The following HMGCLL1 variants were observed in gnomAD, a reference collection of about 807,000 sequenced individuals.
HMGCLL1 encodes 3-hydroxy-3-methylglutaryl-CoA lyase like 1, also known as 3-hydroxymethyl-3-methylglutaryl-CoA lyase, cytoplasmic.
HMGCLL1 carries 36 observed loss-of-function variants against 39.1 expected under a neutral mutation model. The ratio of observed to expected loss-of-function variants is 0.92; its 90% CI spans 0.71 to 1.22. HMGCLL1 has a LOEUF of 1.22. Ranked by LOEUF, HMGCLL1 falls within the 50% of genes most tolerant of loss-of-function variation. HMGCLL1 has a pLI of 0.00. For synonymous variants in HMGCLL1, 149 were observed against 144.0 expected (o/e 1.03, Z -0.25); for missense variants, 451 against 416.5 (o/e 1.08, Z -0.72).
chr6:55,638,032 T>C, the HMGCLL1 span, among the ~76,000 whole-genome samples: 4 of 152,086 alleles, frequency 2.6e-5, no homozygotes, highest in Non-Finnish European at 4.4e-5. Context: ...TAGAATTTGA[T>C]GCTATAATAA....
At chr6:55,588,754 A>G in the HMGCLL1 span, among the ~76,000 whole-genome samples, 1 of 152,196 alleles carries the variant, frequency 6.6e-6, no homozygotes. Context: ...GATACAAACT[A>G]CCATCAGAGA....
intron 1 of HMGCLL1, among the ~76,000 whole-genome samples, chr6:55,550,354 C>T (rs1447442693): frequency 1.3e-5 from 2 of 151,862 alleles, no homozygotes; most frequent in African/African-American, 2.4e-5. Flanking sequence ...TCAGCTACAG[C>T]GCCACTTTAT....
the HMGCLL1 span, among the ~76,000 whole-genome samples, chr6:55,626,711 G>C: frequency 5.3e-5 from 8 of 151,978 alleles, no homozygotes; most frequent in Non-Finnish European, 1.5e-5. Context: ...CCAGAGACAG[G>C]AACATTGCCA....
chr6:55,496,134 A>T (rs1766563948), intron 6 of HMGCLL1, among the ~76,000 whole-genome samples: 2 of 152,116 alleles, frequency 1.3e-5, no homozygotes, highest in Admixed American at 6.5e-5. Flanking sequence ...GTGATTTTTT[A>T]AAAAATAACT....
At chr6:55,581,927 G>A (rs145955994), upstream of HMGCLL1, among the ~76,000 whole-genome samples, 2 of 152,156 alleles carry the variant, frequency 1.3e-5, no homozygotes, top group Non-Finnish European at 2.9e-5. Context: ...ATGTACAAAA[G>A]CATTCAATTC....
intron 7 of HMGCLL1, among the ~76,000 whole-genome samples, chr6:55,446,480 T>G (rs1289153610): frequency 6.6e-6 from 1 of 151,848 alleles, no homozygotes; most frequent in African/African-American, 2.4e-5. Context: ...TCCGTCTACT[T>G]GAGCTCTCTG....
chr6:55,639,912 C>G, the HMGCLL1 span, among the ~76,000 whole-genome samples: 19 of 151,802 alleles, frequency 1.3e-4, no homozygotes, highest in Non-Finnish European at 2.5e-4. Flanking sequence ...AACCCCCTCT[C>G]TACTAGAAAA....
chr6:55,624,079 C>T, the HMGCLL1 span, among the ~76,000 whole-genome samples: 16 of 152,134 alleles, frequency 1.1e-4, no homozygotes, highest in Non-Finnish European at 2.1e-4. Context: ...TGATCATTTC[C>T]TTTTCCCCAG....
the HMGCLL1 span, among the ~76,000 whole-genome samples, chr6:55,640,000 C>T: frequency 1.6e-4 from 25 of 152,074 alleles, no homozygotes; most frequent in Non-Finnish European, 2.4e-4. Context: ...ATAGCTTGAA[C>T]TCGGGAGGCG....
chr6:55,659,183 C>T, the HMGCLL1 span, among the ~76,000 whole-genome samples: 92 of 151,910 alleles, frequency 6.1e-4, no homozygotes, highest in Admixed American at 1.4e-3. Context: ...CCTAGGTTTC[C>T]AGCTTATGCA....
At chr6:55,625,978 G>A in the HMGCLL1 span, among the ~76,000 whole-genome samples, 7 of 152,228 alleles carry the variant, frequency 4.6e-5, no homozygotes, top group South Asian at 2.1e-4. Flanking sequence ...GAACAAAGTC[G>A]TCATGGTGCA....
chr6:55,602,374 A>T, the HMGCLL1 span, among the ~76,000 whole-genome samples: 4 of 151,986 alleles, frequency 2.6e-5, no homozygotes, highest in African/African-American at 9.7e-5. Context: ...CTAAAATTAC[A>T]TTTTCCTTTA....
At chr6:55,453,313 G>T (rs1445573597) in intron 7 of HMGCLL1, among the ~76,000 whole-genome samples, 1 of 152,140 alleles carries the variant, frequency 6.6e-6, no homozygotes, top group Non-Finnish European at 1.5e-5. Context: ...CCAGCAGCTG[G>T]GACTACAGGC....
At chr6:55,478,110 G>C (rs1229306735) in intron 7 of HMGCLL1, among the ~76,000 whole-genome samples, 1 of 147,580 alleles carries the variant, frequency 6.8e-6, no homozygotes, top group Middle Eastern at 3.3e-3. Flanking sequence ...ATTTTTCATA[G>C]TTTATATAAT....
At chr6:55,627,388 G>A in the HMGCLL1 span, among the ~76,000 whole-genome samples, 12 of 152,028 alleles carry the variant, frequency 7.9e-5, no homozygotes, top group African/African-American at 1.7e-4. Context: ...CTGGTTGTAC[G>A]GAGGATAGTT....
the HMGCLL1 span, among the ~76,000 whole-genome samples, chr6:55,676,781 T>G: frequency 6.6e-6 from 1 of 152,248 alleles, no homozygotes; most frequent in Non-Finnish European, 1.5e-5. Context: ...TGTAATAGCT[T>G]GGTTTTAAGA....
chr6:55,538,260 T>A lies in HMGCLL1; in HGVS notation c.297+3469A>T, dbSNP rs1388023015. On this transcript the variant is annotated intron_variant, in intron 3 of 8. Coordinates refer to ENST00000274901, the MANE Select transcript of HMGCLL1 (RefSeq NM_001042406.2). ...GAATTTCAAAGAGGGCTAGCAACAGTTTGTACCTGAAATATAACTTTAGTT... is the reference window on the plus strand; with the variant it reads ...GAATTTCAAAGAGGGCTAGCAACAGATTGTACCTGAAATATAACTTTAGTT... Among the ~76,000 whole-genome samples, 6 of 152,136 alleles carry A rather than the reference T, an allele frequency of 3.9e-5. No individual in the cohort carries two copies. The East Asian group carries it at 1.2e-3, about 29-fold the overall frequency.
At chr6:55,598,355 G>T in the HMGCLL1 span, among the ~76,000 whole-genome samples, 5 of 152,082 alleles carry the variant, frequency 3.3e-5, no homozygotes, top group Non-Finnish European at 7.4e-5. Context: ...ACAGTAAATG[G>T]TGTTTAAATC....
intron 3 of HMGCLL1, among the ~76,000 whole-genome samples, chr6:55,530,206 C>T (rs1314156544): frequency 6.6e-6 from 1 of 152,024 alleles, no homozygotes. Context: ...ATAGATTACA[C>T]ATTATAGCAG....
Sources: allele counts gnomAD v4.1 joint callset (sites outside exome capture counted in the v4.1 genomes callset), GRCh38; gene constraint gnomAD v4.1.1; transcripts MANE v1.5; gene names NCBI Gene and HGNC (gene_info 2026-07-23, HGNC 2026-07-21).